The following RAPGEF4 variants were observed in gnomAD, a reference collection of about 807,000 sequenced individuals.
RAPGEF4 encodes the protein RAP guanine-nucleotide-exchange factor (GEF) 4.
Under a neutral mutation model 147.9 loss-of-function variants are expected in RAPGEF4, and 66 were observed. The observed-to-expected ratio is 0.45, with a 90% CI of 0.37 to 0.55. The LOEUF (loss-of-function observed/expected upper bound fraction) is 0.55. Among genes scored for constraint, RAPGEF4 ranks in the 20% least tolerant of loss-of-function variants. The pLI, the probability that RAPGEF4 is intolerant of heterozygous loss-of-function variation, is 0.00. For synonymous variants in RAPGEF4, 419 were observed against 442.7 expected (o/e 0.95, Z 0.67); for missense variants, 1,071 against 1,257.3 (o/e 0.85, Z 2.24).
At chr2:173,028,489 T>A (rs988437300) in intron 25 of RAPGEF4, among the ~76,000 whole-genome samples, 4 of 152,238 alleles carry the variant, frequency 2.6e-5, no homozygotes, top group African/African-American at 9.6e-5. Flanking sequence ...GAAAATCTTT[T>A]GGGGCCTGAT....
In RAPGEF4 at chr2:172,863,241, A is replaced by T. The variant is rs183450775; in HGVS notation, c.444+48816A>T. 1.7e-3 allele frequency among the ~76,000 whole-genome samples: 260 copies of T among 152,318 alleles called. 1 individual carries two copies. The highest frequency in any genetic ancestry group is 2.9e-3 in the Non-Finnish European group (199 of 68,030). On this transcript the variant is annotated intron_variant, in intron 4 of 30. Transcript: ENST00000397081. ...AATACAGTATTTCAGGGACTTATAA[A>T]CTAAGAAAAGTAAGAGAGAAGAGGA...
intron 4 of RAPGEF4, among the ~76,000 whole-genome samples, chr2:172,830,209 G>A (rs1430030156): frequency 6.6e-6 from 1 of 152,140 alleles, no homozygotes; most frequent in Non-Finnish European, 1.5e-5. Context: ...AGTGGAAATG[G>A]AAAAGTACTT....
intron 4 of RAPGEF4, among the ~76,000 whole-genome samples, chr2:172,903,258 A>T (rs1699264402): frequency 6.6e-6 from 1 of 151,346 alleles, no homozygotes; most frequent in South Asian, 2.1e-4. Flanking sequence ...AGTCCCAGCT[A>T]CTCAGGAGGC....
At chr2:172,892,489 C>T (rs1300829821) in intron 4 of RAPGEF4, among the ~76,000 whole-genome samples, 1 of 152,178 alleles carries the variant, frequency 6.6e-6, no homozygotes, top group Non-Finnish European at 1.5e-5. Flanking sequence ...GGACTGTTTC[C>T]TAACCCACAA....
chr2:172,967,421 C>T lies in RAPGEF4; in HGVS notation c.981C>T (p.His327=). The T allele has an allele frequency of 6.2e-7, 1 of 1,611,492 alleles. No individual in the cohort carries two copies. Residue 327 remains histidine, a synonymous_variant, in exon 10 of 31, where the codon CAC becomes CAT. Coordinates refer to ENST00000397081, the MANE Select transcript of RAPGEF4 (RefSeq NM_007023.4). ...TGTCACAGATGGGCCCCGACGCCCA[C>T]ATGAGGATGATCCTTCGCAAACCGT... ...LLLSQMGPDA[H]MRMILRKPPG...
At chr2:172,841,687 A>C (rs1691611831) in intron 4 of RAPGEF4, among the ~76,000 whole-genome samples, 1 of 152,126 alleles carries the variant, frequency 6.6e-6, no homozygotes, top group Admixed American at 6.5e-5. Context: ...AGATTATAGA[A>C]TGTGGATGGT....
chr2:172,882,030 A>G (rs1559095231), intron 4 of RAPGEF4, among the ~76,000 whole-genome samples: 1 of 152,216 alleles, frequency 6.6e-6, no homozygotes, highest in Non-Finnish European at 1.5e-5. Flanking sequence ...ATGGGAAAGC[A>G]TTAAAATATA....
intron 15 of RAPGEF4, 49 bp from the exon 16 acceptor site, chr2:172,996,417 T>A (rs1053720255): frequency 8.7e-7 from 1 of 1,144,144 alleles, no homozygotes; most frequent in Non-Finnish European, 1.2e-6. Context: ...GTTTTTTTAA[T>A]GATTTGCCCA....
intron 2 of RAPGEF4, among the ~76,000 whole-genome samples, chr2:172,796,783 T>A (rs1360596952): frequency 1.3e-5 from 2 of 152,196 alleles, no homozygotes; most frequent in African/African-American, 4.8e-5. Flanking sequence ...TTCATTGAGT[T>A]ACTTGACCTC....
chr2:172,858,403 C>T (rs1389518815), intron 4 of RAPGEF4, among the ~76,000 whole-genome samples: 1 of 152,168 alleles, frequency 6.6e-6, no homozygotes, highest in Non-Finnish European at 1.5e-5. Flanking sequence ...AAGGAGAAGG[C>T]CTGTGTATGT....
intron 4 of RAPGEF4, among the ~76,000 whole-genome samples, chr2:172,858,055 A>C (rs559378463): frequency 1.3e-5 from 2 of 152,266 alleles, no homozygotes; most frequent in African/African-American, 4.8e-5. Flanking sequence ...TGTTGAAAAC[A>C]CTCAGAACCA....
At chr2:172,868,811 A>G (rs891658689) in intron 4 of RAPGEF4, among the ~76,000 whole-genome samples, 1 of 152,268 alleles carries the variant, frequency 6.6e-6, no homozygotes, top group African/African-American at 2.4e-5. Flanking sequence ...TTGGGCTCAC[A>G]GTTCTGCGGC....
At chr2:172,958,539 C>T (rs1267957478) in intron 6 of RAPGEF4, among the ~76,000 whole-genome samples, 1 of 152,194 alleles carries the variant, frequency 6.6e-6, no homozygotes, top group Non-Finnish European at 1.5e-5. Flanking sequence ...AGCTCATAGT[C>T]TCTCTCCATC....
chr2:172,826,515 A>G (rs1402338499), intron 4 of RAPGEF4, among the ~76,000 whole-genome samples: 1 of 152,242 alleles, frequency 6.6e-6, no homozygotes, highest in African/African-American at 2.4e-5. Context: ...AAGCTCTATA[A>G]TAACTTTCAC....
At chr2:172,750,496 A>G (rs1022724046) in intron 1 of RAPGEF4, among the ~76,000 whole-genome samples, 9 of 152,160 alleles carry the variant, frequency 5.9e-5, no homozygotes, top group South Asian at 2.1e-4. Flanking sequence ...CCATGATTCA[A>G]TTATCTCCTG....
At chr2:172,957,642 A>G (rs1688874521) in intron 6 of RAPGEF4, among the ~76,000 whole-genome samples, 1 of 152,212 alleles carries the variant, frequency 6.6e-6, no homozygotes, top group Non-Finnish European at 1.5e-5. Flanking sequence ...TGTTCCTTGG[A>G]GATTTTATTT....
At chr2:172,988,307 C>T (rs370039988) in intron 13 of RAPGEF4, 35 bp downstream of exon 13, 172 of 1,584,388 alleles carry the variant, frequency 1.1e-4, no homozygotes, top group Non-Finnish European at 1.3e-4. Flanking sequence ...AACTTTATTA[C>T]GCTCCACTTA....
chr2:172,848,570 C>G (rs1692467585), intron 4 of RAPGEF4, among the ~76,000 whole-genome samples: 1 of 152,108 alleles, frequency 6.6e-6, no homozygotes, highest in African/African-American at 2.4e-5. Context: ...AGGGCAAATG[C>G]TAAGGGGATG....
intron 4 of RAPGEF4, among the ~76,000 whole-genome samples, chr2:172,865,817 A>G (rs1694572905): frequency 1.3e-5 from 2 of 152,094 alleles, no homozygotes; most frequent in Non-Finnish European, 2.9e-5. Context: ...AGGCATTGCA[A>G]ATACTGGCAA....
Sources: allele counts gnomAD v4.1 joint callset (sites outside exome capture counted in the v4.1 genomes callset), GRCh38; gene constraint gnomAD v4.1.1; transcripts MANE v1.5; gene names NCBI Gene and HGNC (gene_info 2026-07-23, HGNC 2026-07-21).